Variants in DPP10 observed in about 807,000 individuals in gnomAD.
The protein encoded by DPP10 is inactive dipeptidyl peptidase 10.
In DPP10, 33 loss-of-function variants were observed where a neutral mutation model predicts 120.9. The ratio of observed to expected loss-of-function variants is 0.27; its 90% confidence interval spans 0.21 to 0.37. The LOEUF (loss-of-function observed/expected upper bound fraction) is 0.37, where lower values mean the gene tolerates loss of function less well. Among genes scored for constraint, DPP10 ranks in the 10% least tolerant of loss-of-function variants. DPP10 has a pLI of 1.00. For missense variants in DPP10, 816 were observed against 942.8 expected, an observed-to-expected ratio of 0.87 and a Z score of 1.76; for synonymous variants, 337 against 326.1, an observed-to-expected ratio of 1.03 and a Z score of -0.36.
At chr2:115,801,732 C>G (rs919329531) in intron 19 of DPP10, among the ~76,000 whole-genome samples, 1 of 151,852 alleles carries the variant, frequency 6.6e-6, no homozygotes, top group African/African-American at 2.4e-5. Context: ...TGCTGGATTA[C>G]GTTTATTGAT....
intron 1 of DPP10, among the ~76,000 whole-genome samples, chr2:114,966,502 A>G (rs886755772): frequency 6.6e-6 from 1 of 152,074 alleles, no homozygotes; most frequent in East Asian, 1.9e-4. Flanking sequence ...TCTTTCTCCA[A>G]TATGTTGAAG....
chr2:115,324,746 G>A (rs1029326529), intron 2 of DPP10, among the ~76,000 whole-genome samples: 4 of 152,166 alleles, frequency 2.6e-5, no homozygotes, highest in Admixed American at 2.0e-4. Flanking sequence ...TTGGGAGCAA[G>A]AGGCTTAGCT....
intron 9 of DPP10, 145 bp downstream of exon 9, chr2:115,740,038 C>G: frequency 1.2e-6 from 1 of 842,440 alleles, no homozygotes; most frequent in East Asian, 2.6e-5. Context: ...TTTCGATCTC[C>G]CAGTAGTCTA....
At chr2:115,067,646 G>A (rs1293280861) in intron 1 of DPP10, among the ~76,000 whole-genome samples, 1 of 146,964 alleles carries the variant, frequency 6.8e-6, no homozygotes, top group Non-Finnish European at 1.5e-5. Flanking sequence ...GGGGGATCAC[G>A]AGGTCAGGAG....
intron 1 of DPP10, among the ~76,000 whole-genome samples, chr2:114,479,422 A>C (rs1262362018): frequency 6.6e-6 from 1 of 152,040 alleles, no homozygotes; most frequent in Non-Finnish European, 1.5e-5. Flanking sequence ...AAAAAAAAAC[A>C]GAACTATTCA....
At chr2:114,928,241 G>T (rs1179448089) in intron 1 of DPP10, among the ~76,000 whole-genome samples, 1 of 152,170 alleles carries the variant, frequency 6.6e-6, no homozygotes, top group African/African-American at 2.4e-5. Flanking sequence ...TCTCACCTGA[G>T]ACTCAAGACA....
At chr2:115,239,089 G>A (rs2058139523) in intron 1 of DPP10, among the ~76,000 whole-genome samples, 3 of 152,040 alleles carry the variant, frequency 2.0e-5, no homozygotes, top group Admixed American at 6.6e-5. Context: ...TGATTAGATG[G>A]TGCCCCCCCC....
intron 1 of DPP10, among the ~76,000 whole-genome samples, chr2:114,493,686 TAAAAA>T (rs2104452671): frequency 6.6e-6 from 1 of 152,230 alleles, no homozygotes; most frequent in East Asian, 1.9e-4. Context: ...TGAATTATAA[TAAAAA>T]TATAATGACT....
At chr2:115,363,529 G>A (rs968735243) in intron 3 of DPP10, among the ~76,000 whole-genome samples, 11 of 152,172 alleles carry the variant, frequency 7.2e-5, no homozygotes, top group Non-Finnish European at 1.5e-4. Flanking sequence ...CCTGAAATGG[G>A]AAGGTTAGTT....
intron 3 of DPP10, among the ~76,000 whole-genome samples, chr2:115,490,996 T>C (rs1044816072): frequency 2.0e-5 from 3 of 152,132 alleles, no homozygotes; most frequent in Admixed American, 6.6e-5. Context: ...CTCACACCTG[T>C]AGTCTCAGCT....
chr2:114,885,939 T>C (rs937121709), intron 1 of DPP10, among the ~76,000 whole-genome samples: 1 of 152,212 alleles, frequency 6.6e-6, no homozygotes, highest in African/African-American at 2.4e-5. Context: ...CAAATATTGA[T>C]GTAAGAGTTT....
chr2:114,708,505 C>G (rs1168753038), intron 1 of DPP10, among the ~76,000 whole-genome samples: 2 of 152,160 alleles, frequency 1.3e-5, no homozygotes, highest in Non-Finnish European at 2.9e-5. Flanking sequence ...TCCCCTGTTC[C>G]CACCACCGGC....
At chr2:115,536,938 G>A (rs186910676) in intron 5 of DPP10, among the ~76,000 whole-genome samples, 3 of 152,160 alleles carry the variant, frequency 2.0e-5, no homozygotes, top group African/African-American at 4.8e-5. Context: ...ATTAGCAAGC[G>A]ATGGAGTAAA....
chr2:114,711,234 C>T (rs552698620), intron 1 of DPP10, among the ~76,000 whole-genome samples: 1 of 152,180 alleles, frequency 6.6e-6, no homozygotes, highest in South Asian at 2.1e-4. Flanking sequence ...GGTTCCTGCC[C>T]CCAGAAAACT....
intron 1 of DPP10, among the ~76,000 whole-genome samples, chr2:114,455,160 G>A (rs1573386865): frequency 6.6e-6 from 1 of 151,178 alleles, no homozygotes; most frequent in African/African-American, 2.4e-5. Context: ...TTTCTATTGT[G>A]TGTGTGTGTG....
chr2:115,827,447 T>TAA lies in DPP10; in HGVS notation c.1951-8710_1951-8709insAA, dbSNP rs1388130768. 2.4e-3 allele frequency among the ~76,000 whole-genome samples: 302 copies of TAA among 126,730 alleles called. 6 individuals are homozygous for TAA. The highest frequency in any genetic ancestry group is 8.5e-3 in the African/African-American group (288 of 34,074). 83.1% of individuals were successfully genotyped at this position (126,730 alleles called of 152,430 possible). On this transcript the variant is annotated intron_variant, in intron 21 of 25. Coordinates refer to ENST00000410059, the MANE Select transcript of DPP10 (RefSeq NM_020868.6). Reference sequence around the variant, plus strand: ...ATATATATATATATATATATATATATGCTCTACAGTGGTATACTTCTGTTT... The same window carrying TAA: ...ATATATATATATATATATATATATATAAGCTCTACAGTGGTATACTTCTGTTT...
intron 1 of DPP10, among the ~76,000 whole-genome samples, chr2:114,768,348 A>T (rs1680930439): frequency 6.6e-6 from 1 of 152,192 alleles, no homozygotes; most frequent in Non-Finnish European, 1.5e-5. Flanking sequence ...GTGAGTAAAG[A>T]AATTGGCAAG....
chr2:115,435,803 T>A (rs775770491), intron 3 of DPP10, among the ~76,000 whole-genome samples: 1 of 151,946 alleles, frequency 6.6e-6, no homozygotes, highest in Non-Finnish European at 1.5e-5. Context: ...CAGTGTTTTC[T>A]TCTAGTAGTT....
At chr2:115,646,185 C>T (rs2087240153) in intron 5 of DPP10, among the ~76,000 whole-genome samples, 1 of 152,112 alleles carries the variant, frequency 6.6e-6, no homozygotes, top group South Asian at 2.1e-4. Context: ...GTGACTAGTG[C>T]TTACTCTATG....
Sources: allele counts gnomAD v4.1 joint callset (sites outside exome capture counted in the v4.1 genomes callset), GRCh38; gene constraint gnomAD v4.1.1; transcripts MANE v1.5; gene names NCBI Gene and HGNC (gene_info 2026-07-23, HGNC 2026-07-21).